RALGPS2: variants seen among roughly 807,000 people sequenced by gnomAD.
RALGPS2 encodes ras-specific guanine nucleotide-releasing factor RalGPS2.
A neutral mutation model predicts 86.8 loss-of-function variants in RALGPS2; 43 were observed. The ratio of observed to expected loss-of-function variants is 0.50; its 90% CI spans 0.39 to 0.64. RALGPS2 has a LOEUF of 0.64. Among genes scored for constraint, RALGPS2 ranks in the 30% least tolerant of loss-of-function variants. The pLI, the probability that RALGPS2 is intolerant of heterozygous loss-of-function variation, is 0.00. For missense variants in RALGPS2, 536 were observed against 694.6 expected, an observed-to-expected ratio of 0.77 and a Z score of 2.57; for synonymous variants, 243 against 231.3, an observed-to-expected ratio of 1.05 and a Z score of -0.46.
chr1:178,886,175 T>TA, intron 13 of RALGPS2, 55 bp downstream of exon 13: 2 of 1,563,930 alleles, frequency 1.3e-6, no homozygotes, highest in Non-Finnish European at 1.7e-6. Flanking sequence ...AAAATGTTAA[T>TA]AAAACTTGGC....
intron 1 of RALGPS2, among the ~76,000 whole-genome samples, chr1:178,757,319 C>G (rs1652005330): frequency 1.3e-5 from 2 of 152,102 alleles, no homozygotes; most frequent in Admixed American, 6.6e-5. Flanking sequence ...ATTGTTCTGA[C>G]AAGGACTTCC....
At chr1:178,851,400 T>A in intron 8 of RALGPS2, 1 of 1,233,050 alleles carries the variant, frequency 8.1e-7, no homozygotes, top group Non-Finnish European at 1.1e-6. Context: ...ATTCTACCTT[T>A]AATTTGAACT....
chr1:178,889,652 T>A lies in RALGPS2; in HGVS notation c.1203T>A (p.Asp401Glu), dbSNP rs368999235. ...AACTTTTCATTTTAGGTAGCAGCGATGGTTCTGAACTAAGTGAAGAGACCT... is the reference window on the plus strand; with the variant it reads ...AACTTTTCATTTTAGGTAGCAGCGAAGGTTCTGAACTAAGTGAAGAGACCT... The part of the protein sequence containing the change: ...LSSGISIGSS[D>E]GSELSEETSW... The change falls in exon 14 of 20, where the codon GAT becomes GAA. Residue 401 changes from aspartate to glutamate, a missense_variant. By Grantham distance (45) the Asp-to-Glu change is conservative. This residue lies in a region of RALGPS2 where 309 missense variants were observed against 363.0 expected (regional missense o/e 0.85). Coordinates refer to ENST00000367635, the MANE Select transcript of RALGPS2 (RefSeq NM_152663.5). The A allele has an allele frequency of 4.2e-5, 68 of 1,606,620 alleles. No individual in the cohort carries two copies. The East Asian group carries it at 5.2e-4, about 12-fold the overall frequency.
chr1:178,908,737 C>T (rs993105057), intron 19 of RALGPS2, among the ~76,000 whole-genome samples: 1 of 152,092 alleles, frequency 6.6e-6, no homozygotes, highest in Non-Finnish European at 1.5e-5. Flanking sequence ...CTGTTCATGT[C>T]CTTTGCCCAC....
intron 8 of RALGPS2, among the ~76,000 whole-genome samples, chr1:178,859,570 A>T (rs1657824760): frequency 1.3e-5 from 2 of 151,322 alleles, no homozygotes; most frequent in African/African-American, 4.9e-5. Flanking sequence ...CGAAGTTTTA[A>T]CTTTTTAAGC....
At chr1:178,864,786 G>A (rs1658268209) in intron 8 of RALGPS2, among the ~76,000 whole-genome samples, 1 of 152,148 alleles carries the variant, frequency 6.6e-6, no homozygotes, top group Non-Finnish European at 1.5e-5. Flanking sequence ...AGAGCTGGAA[G>A]AGGAGATGTA....
At chr1:178,848,021 A>G (rs2102282348) in intron 8 of RALGPS2, among the ~76,000 whole-genome samples, 1 of 152,278 alleles carries the variant, frequency 6.6e-6, no homozygotes, top group South Asian at 2.1e-4. Context: ...TCATTAACTT[A>G]TTCTTGACTG....
chr1:178,851,406 G>C, intron 8 of RALGPS2: 3 of 1,194,716 alleles, frequency 2.5e-6, no homozygotes, highest in Non-Finnish European at 3.4e-6. Flanking sequence ...CCTTTAATTT[G>C]AACTTCCCTT....
chr1:178,856,198 G>GATAGATAGATAGAT, intron 8 of RALGPS2, among the ~76,000 whole-genome samples: 1 of 47,274 alleles, frequency 2.1e-5, no homozygotes, highest in African/African-American at 6.2e-5. Context: ...TCCAGAGAGA[G>GATAGATAGATAGAT]AGAGATATAT....
intron 18 of RALGPS2, among the ~76,000 whole-genome samples, chr1:178,903,210 G>A (rs1660251630): frequency 2.0e-5 from 3 of 152,214 alleles, no homozygotes; most frequent in African/African-American, 7.2e-5. Flanking sequence ...ATACTATTTT[G>A]TATCAACAGA....
At chr1:178,914,809 G>C (rs142771074) in intron 19 of RALGPS2, among the ~76,000 whole-genome samples, 1 of 152,146 alleles carries the variant, frequency 6.6e-6, no homozygotes, top group Non-Finnish European at 1.5e-5. Context: ...GTCATAGAGC[G>C]AAAATTATTT....
At chr1:178,891,603 A>AT (rs971368598) in intron 14 of RALGPS2, among the ~76,000 whole-genome samples, 8 of 148,458 alleles carry the variant, frequency 5.4e-5, no homozygotes, top group African/African-American at 1.6e-4. Context: ...GTCTGTTTTT[A>AT]TTTTTTTTGT....
chr1:178,921,439 G>A lies in RALGPS2; in HGVS notation c.*5080G>A, dbSNP rs1020377565. 1 of 150,422 alleles carries A rather than the reference G, an allele frequency of 6.6e-6. No homozygotes were observed. The highest frequency in any genetic ancestry group is 2.5e-5 in the African/African-American group (1 of 40,814). The allele number at this position is 150,422 out of a possible 1,614,324, so 9.3% of individuals were successfully genotyped here. ...TGGTAAAATAGCTGATAATAAGTCA[G>A]ACTCTCAAGAGTTTCTGTACCTTGA... is the stretch of plus-strand genomic sequence containing the variant. On this transcript the variant is annotated 3_prime_UTR_variant, in exon 20 of 20. Coordinates refer to ENST00000367635, the MANE Select transcript of RALGPS2 (RefSeq NM_152663.5).
chr1:178,868,298 G>A (rs1204749631), intron 8 of RALGPS2, among the ~76,000 whole-genome samples: 1 of 151,682 alleles, frequency 6.6e-6, no homozygotes, highest in Admixed American at 6.6e-5. Context: ...AAAAACTAGG[G>A]ACAAGAAATA....
rs369613172 is a variant in RALGPS2, at chr1:178,821,623, G to A, written c.399G>A (p.Glu133=). The A allele has an allele frequency of 7.4e-6, 12 of 1,611,570 alleles. No homozygotes were observed. The highest frequency in any genetic ancestry group is 3.4e-5 in the Admixed American group (2 of 59,680). Residue 133 remains glutamate, a synonymous_variant, in exon 7 of 20, where the codon GAG becomes GAA. Coordinates refer to ENST00000367635, the MANE Select transcript of RALGPS2 (RefSeq NM_152663.5). The stretch of plus-strand genomic sequence containing the variant: ...TTTCAAATCTTCAGAAACTGTATGA[G>A]CTGAATAACCTTCATGCACTTATGG... The part of the protein sequence containing the change: ...HYIKTAKKLY[E]LNNLHALMAV...
intron 13 of RALGPS2, 94 bp from the exon 14 acceptor site, chr1:178,889,548 A>T: frequency 1.2e-6 from 1 of 836,612 alleles, no homozygotes; most frequent in East Asian, 2.5e-5. Context: ...TTGTCATTTT[A>T]TGAGCATAGT....
rs1477220173 is a variant in RALGPS2, at chr1:178,917,731, T to A, written c.*1372T>A. The A allele has an allele frequency of 6.6e-6, 1 of 152,118 alleles. No individual in the cohort carries two copies. The highest frequency in any genetic ancestry group is 1.5e-5 in the Non-Finnish European group (1 of 67,990). 9.4% of individuals were successfully genotyped at this position (152,118 alleles called of 1,614,324 possible). On this transcript the variant is annotated 3_prime_UTR_variant, in exon 20 of 20. Coordinates refer to ENST00000367635, the MANE Select transcript of RALGPS2 (RefSeq NM_152663.5). ...ATGTTGAATTATTAAAAAAAAAGTT[T>A]GAAGGTAAGATGCCTTAGAATTTTA... is the stretch of plus-strand genomic sequence containing the variant.
At chr1:178,859,695 C>CTTTT (rs1190050936) in intron 8 of RALGPS2, among the ~76,000 whole-genome samples, 8 of 108,280 alleles carry the variant, frequency 7.4e-5, no homozygotes, top group Non-Finnish European at 9.3e-5. Context: ...ACACGAAGCA[C>CTTTT]TTTTTTTTTT....
rs111624610 is a variant in RALGPS2 at position 178,864,860 on chromosome 1, G to A, written c.608-12638G>A. 3.6e-4 allele frequency: 312 copies of A among 857,990 alleles called. 2 individuals carry two copies. The African/African-American group carries it at 4.6e-3, about 13-fold the overall frequency. 53.1% of individuals were successfully genotyped at this position (857,990 alleles called of 1,614,324 possible). A position where few individuals can be genotyped will look rare whatever the true frequency, so the allele number is the denominator to read the frequency against. On this transcript the variant is annotated intron_variant, in intron 8 of 19. Transcript: ENST00000367635. ...AATTTTAATGTACATATATAACATC[G>A]CAAAATGAATAAGCATTTATTATGA...
Sources: gnomAD v4.1 joint callset for allele counts (sites outside exome capture counted in the v4.1 genomes callset) on GRCh38, gnomAD v4.1.1 for gene constraint, gnomAD v4.1.1 regional missense constraint, MANE v1.5 for transcripts, NCBI Gene and HGNC (gene_info 2026-07-23, HGNC 2026-07-21) for gene names.